Variants in ATXN1 observed in about 807,000 individuals in gnomAD.
The protein encoded by ATXN1 is ataxin-1.
In ATXN1, 8 loss-of-function variants were observed where a neutral mutation model predicts 56.4. The observed-to-expected ratio is 0.14, with a 90% CI of 0.08 to 0.26. ATXN1 has a LOEUF of 0.26. Among genes scored for constraint, ATXN1 ranks in the 10% least tolerant of loss-of-function variants. The probability of loss-of-function intolerance (pLI) is 1.00; values close to 1 mark genes in which losing one functional copy is unlikely to be tolerated. For synonymous variants in ATXN1, 514 were observed against 494.6 expected, an observed-to-expected ratio of 1.04 and a Z score of -0.52; for missense variants, 987 against 1,106.5, an observed-to-expected ratio of 0.89 and a Z score of 1.53.
intron 2 of ATXN1, among the ~76,000 whole-genome samples, chr6:16,704,292 C>T (rs561938850): frequency 2.7e-3 from 413 of 152,128 alleles, no homozygotes; most frequent in Middle Eastern, 6.8e-3. Flanking sequence ...TGCTGTTTTA[C>T]GGAGCAGTTC....
At chr6:16,471,249 A>G (rs909234812) in intron 6 of ATXN1, among the ~76,000 whole-genome samples, 7 of 152,086 alleles carry the variant, frequency 4.6e-5, no homozygotes, top group Middle Eastern at 3.2e-3. Context: ...GGGCTTCATC[A>G]GAAGATGAAC....
intron 2 of ATXN1, among the ~76,000 whole-genome samples, chr6:16,694,252 CTT>C (rs537104749): frequency 0.1 from 12,325 of 122,750 alleles, 656 homozygotes; most frequent in Middle Eastern, 0.15. Context: ...TTTTTTTTTT[CTT>C]TTTTTTTTTT....
chr6:16,444,102 C>T (rs373346750), intron 6 of ATXN1, among the ~76,000 whole-genome samples: 67 of 131,810 alleles, frequency 5.1e-4, no homozygotes, highest in African/African-American at 1.6e-3. Context: ...GGCGACAGAG[C>T]GAGGCTCCGT....
intron 3 of ATXN1, among the ~76,000 whole-genome samples, chr6:16,621,667 C>A (rs11962254): frequency 1.3e-5 from 2 of 152,134 alleles, no homozygotes; most frequent in African/African-American, 4.8e-5. Flanking sequence ...GAGCCAAGAT[C>A]GTGCCACTGC....
chr6:16,390,680 TCACACACA>T (rs57705650), intron 6 of ATXN1, among the ~76,000 whole-genome samples: 17 of 147,156 alleles, frequency 1.2e-4, no homozygotes, highest in Admixed American at 6.8e-5. Context: ...AATAAACACA[TCACACACA>T]CACACACACA....
intron 3 of ATXN1, among the ~76,000 whole-genome samples, chr6:16,586,895 C>T (rs764557906): frequency 2.6e-5 from 4 of 151,808 alleles, no homozygotes; most frequent in Non-Finnish European, 4.4e-5. Flanking sequence ...GGTGCGTGCC[C>T]GTAATCCCAG....
intron 6 of ATXN1, among the ~76,000 whole-genome samples, chr6:16,478,321 A>G (rs1760369480): frequency 6.6e-6 from 1 of 152,216 alleles, no homozygotes; most frequent in Non-Finnish European, 1.5e-5. Flanking sequence ...GCCAGTAGAT[A>G]TGTAGTAACC....
chr6:16,665,221 A>G (rs1758401140), intron 2 of ATXN1, among the ~76,000 whole-genome samples: 1 of 152,204 alleles, frequency 6.6e-6, no homozygotes, highest in African/African-American at 2.4e-5. Context: ...GCACCATGGA[A>G]TCTGAAGCAT....
chr6:16,590,636 T>C (rs1282241292), intron 3 of ATXN1, among the ~76,000 whole-genome samples: 2 of 152,074 alleles, frequency 1.3e-5, no homozygotes, highest in African/African-American at 2.4e-5. Flanking sequence ...ACTAGAGTTG[T>C]AGGGGAAGTA....
intron 6 of ATXN1, among the ~76,000 whole-genome samples, chr6:16,332,430 A>T (rs1761014225): frequency 6.6e-6 from 1 of 152,232 alleles, no homozygotes; most frequent in Admixed American, 6.5e-5. Context: ...AAGAAAAAAG[A>T]AAAAAGGAGA....
At chr6:16,623,111 A>G (rs1438956521) in intron 3 of ATXN1, among the ~76,000 whole-genome samples, 1 of 152,196 alleles carries the variant, frequency 6.6e-6, no homozygotes, top group East Asian at 1.9e-4. Flanking sequence ...TTTAATAAAC[A>G]TTCAAGTAGT....
chr6:16,442,309 G>A (rs1759533772), intron 6 of ATXN1, among the ~76,000 whole-genome samples: 1 of 152,148 alleles, frequency 6.6e-6, no homozygotes, highest in Admixed American at 6.5e-5. Context: ...ATCTGCAAGG[G>A]AGAAGAGTCA....
chr6:16,380,294 C>T (rs1331826641), intron 6 of ATXN1, among the ~76,000 whole-genome samples: 1 of 152,170 alleles, frequency 6.6e-6, no homozygotes, highest in South Asian at 2.1e-4. Flanking sequence ...TGAGTGTCTA[C>T]TATATGCCAG....
chr6:16,441,269 G>A (rs1245181966), intron 6 of ATXN1, among the ~76,000 whole-genome samples: 6 of 152,122 alleles, frequency 3.9e-5, no homozygotes, highest in South Asian at 4.1e-4. Flanking sequence ...CAAAGTGAAG[G>A]GAGGGGGCAG....
intron 7 of ATXN1, among the ~76,000 whole-genome samples, chr6:16,307,925 G>A (rs889641355): frequency 3.2e-4 from 48 of 152,232 alleles, no homozygotes; most frequent in South Asian, 2.1e-4. Context: ...AGGCCAAGGC[G>A]CGTGGATCAC....
At chr6:16,662,969 ATTTTT>A (rs57242101) in intron 2 of ATXN1, among the ~76,000 whole-genome samples, 38 of 129,602 alleles carry the variant, frequency 2.9e-4, no homozygotes, top group Non-Finnish European at 2.7e-4. Flanking sequence ...TTCTGTTTGG[ATTTTT>A]TTTTTTTTTT....
At chr6:16,391,161 CAAAA>C (rs35472967) in intron 6 of ATXN1, among the ~76,000 whole-genome samples, 2 of 56,406 alleles carry the variant, frequency 3.5e-5, no homozygotes, top group African/African-American at 6.4e-5. Context: ...GACTCCATCT[CAAAA>C]AAAAAAAAAA....
chr6:16,616,163 A>G (rs756225015), intron 3 of ATXN1: 1 of 152,238 alleles, frequency 6.6e-6, no homozygotes, highest in Non-Finnish European at 1.5e-5. Context: ...TACAGGAGAC[A>G]AAATTATCAT....
chr6:16,553,486 A>G (rs1761958603), intron 4 of ATXN1, among the ~76,000 whole-genome samples: 1 of 152,086 alleles, frequency 6.6e-6, no homozygotes, highest in South Asian at 2.1e-4. Context: ...AATTGACTAG[A>G]TATGTTCTAT....
Sources: allele counts gnomAD v4.1 joint callset (sites outside exome capture counted in the v4.1 genomes callset), GRCh38; gene constraint gnomAD v4.1.1; transcripts MANE v1.5; gene names NCBI Gene and HGNC (gene_info 2026-07-23, HGNC 2026-07-21).